SCN8A: variants seen among roughly 807,000 people sequenced by gnomAD.
SCN8A encodes the protein sodium voltage-gated channel alpha subunit 8.
SCN8A carries 30 observed loss-of-function variants against 184.1 expected under a neutral mutation model. The observed-to-expected ratio is 0.16, with a 90% CI of 0.12 to 0.22. The LOEUF is 0.22. Ranked by LOEUF, SCN8A falls within the 10% of genes least tolerant of loss-of-function variation. The pLI is 1.00. For synonymous variants in SCN8A, 852 were observed against 907.0 expected, an observed-to-expected ratio of 0.94 and a Z score of 1.09; for missense variants, 1,057 against 2,498.9, an observed-to-expected ratio of 0.42 and a Z score of 12.30.
chr12:51,688,491 G>T (rs1565887405), intron 5 of SCN8A, among the ~76,000 whole-genome samples: 1 of 152,250 alleles, frequency 6.6e-6, no homozygotes, highest in East Asian at 1.9e-4. Context: ...ATGTGAATGG[G>T]CTGACAGTAA....
intron 1 of SCN8A, among the ~76,000 whole-genome samples, chr12:51,615,271 A>G (rs1565860100): frequency 1.3e-5 from 2 of 152,184 alleles, no homozygotes. Flanking sequence ...AAATGTTAGT[A>G]CCACCAGGTG....
chr12:51,763,355 A>G (rs914369710), intron 15 of SCN8A, among the ~76,000 whole-genome samples: 1 of 152,194 alleles, frequency 6.6e-6, no homozygotes, highest in Non-Finnish European at 1.5e-5. Context: ...TTTGTGTTAG[A>G]TGATTTTGGC....
chr12:51,721,680 G>A lies in SCN8A; in HGVS notation c.1770G>A (p.Thr590=), dbSNP rs773379793. 9 of 1,598,706 alleles carry A rather than the reference G, an allele frequency of 5.6e-6. No individual in the cohort carries two copies. In the East Asian group the frequency reaches 1.8e-4, roughly 32 times the overall value. Residue 590 remains threonine (T), a synonymous_variant, in exon 12 of 27, where the codon ACG becomes ACA. Coordinates refer to ENST00000627620, the MANE Select transcript of SCN8A (RefSeq NM_001330260.2). Reference sequence around the variant, plus strand: ...AGTTCGCGGATGACGAGCACAGCACGGTGGAGGAGAGCGAGGGCCGCCGGG... The same window carrying A: ...AGTTCGCGGATGACGAGCACAGCACAGTGGAGGAGAGCGAGGGCCGCCGGG... ...ENEFADDEHS[T]VEESEGRRDS...
At chr12:51,731,786 C>G (rs1363194453) in intron 12 of SCN8A, among the ~76,000 whole-genome samples, 1 of 152,114 alleles carries the variant, frequency 6.6e-6, no homozygotes, top group Non-Finnish European at 1.5e-5. Context: ...GATTATATCT[C>G]ATTGTAGTTT....
intron 11 of SCN8A, among the ~76,000 whole-genome samples, chr12:51,709,865 G>A (rs1244277674): frequency 2.0e-5 from 3 of 152,174 alleles, no homozygotes; most frequent in Non-Finnish European, 4.4e-5. Flanking sequence ...TAAGAAAACA[G>A]GGAAGGATGA....
At chr12:51,722,614 T>C (rs971943935) in intron 12 of SCN8A, 6 of 152,002 alleles carry the variant, frequency 3.9e-5, no homozygotes, top group Admixed American at 3.3e-4. Context: ...AAGAGGCCAA[T>C]AGGAAACTGG....
intron 9 of SCN8A, among the ~76,000 whole-genome samples, chr12:51,705,216 C>T (rs1288206189): frequency 6.6e-6 from 1 of 152,112 alleles, no homozygotes; most frequent in Non-Finnish European, 1.5e-5. Flanking sequence ...TAACTACTGC[C>T]ATTTAATATG....
intron 1 of SCN8A, among the ~76,000 whole-genome samples, chr12:51,645,105 C>T (rs1171689172): frequency 6.7e-5 from 10 of 148,244 alleles, no homozygotes; most frequent in South Asian, 2.1e-4. Context: ...CCCGGCCAGC[C>T]GCCCCGTCTG....
intron 13 of SCN8A, among the ~76,000 whole-genome samples, chr12:51,747,019 G>GGTCCCA (rs1242694025): frequency 6.6e-6 from 1 of 151,412 alleles, no homozygotes; most frequent in East Asian, 1.9e-4. Context: ...AACTCAAAAT[G>GGTCCCA]GTCCCAGTAT....
At chr12:51,715,304 T>G (rs1941946588) in intron 11 of SCN8A, among the ~76,000 whole-genome samples, 1 of 152,212 alleles carries the variant, frequency 6.6e-6, no homozygotes, top group Admixed American at 6.5e-5. Context: ...CACTGTCTTA[T>G]CATCCTTATC....
intron 12 of SCN8A, among the ~76,000 whole-genome samples, chr12:51,727,886 G>C (rs151266822): frequency 4.1e-4 from 63 of 152,144 alleles, no homozygotes; most frequent in African/African-American, 1.5e-3. Context: ...GGAGGCAGAG[G>C]TTGTAGTGAG....
chr12:51,733,307 A>G (rs1455792346), intron 12 of SCN8A, among the ~76,000 whole-genome samples: 1 of 152,214 alleles, frequency 6.6e-6, no homozygotes, highest in Non-Finnish European at 1.5e-5. Context: ...GTCAATTGAA[A>G]TGATCATATG....
At chr12:51,656,893 A>T (rs187332232) in intron 1 of SCN8A, among the ~76,000 whole-genome samples, 3 of 152,174 alleles carry the variant, frequency 2.0e-5, no homozygotes, top group Non-Finnish European at 4.4e-5. Context: ...TAACCTTCTT[A>T]TATTGCTGTT....
intron 1 of SCN8A, among the ~76,000 whole-genome samples, chr12:51,634,653 A>ATTTTTTTT (rs1269981442): frequency 1.6e-5 from 1 of 62,504 alleles, no homozygotes; most frequent in African/African-American, 4.8e-5. Context: ...TATTATTATT[A>ATTTTTTTT]TTATTTTTTT....
chr12:51,760,842 G>A (rs1009220017), intron 14 of SCN8A, among the ~76,000 whole-genome samples: 3 of 151,894 alleles, frequency 2.0e-5, no homozygotes, highest in East Asian at 1.9e-4. Flanking sequence ...TATGAACACC[G>A]AAAACCTATA....
chr12:51,810,386 C>T lies in SCN8A; in HGVS notation c.*2957C>T, dbSNP rs746565681. On this transcript the variant is annotated 3_prime_UTR_variant, in exon 27 of 27. Transcript: ENST00000627620. ...GACACCATCACCAGCAGTTTACACC[C>T]GCAGTTAACAGGCATCGAACTGAAA... 5.1e-5 allele frequency: 23 copies of T among 450,020 alleles called. No individual in the cohort carries two copies. The highest frequency in any genetic ancestry group is 2.4e-4 in the South Asian group (15 of 63,582). 27.9% of individuals were successfully genotyped at this position (450,020 alleles called of 1,614,324 possible).
intron 5 of SCN8A, 60 bp from the exon 6 acceptor site, chr12:51,688,945 G>GT: frequency 1.9e-6 from 3 of 1,570,952 alleles, no homozygotes; most frequent in Non-Finnish European, 2.6e-6. Context: ...TTTTCCTTTG[G>GT]TGTTTGTGTT....
At chr12:51,663,929 A>T (rs4761993) in intron 2 of SCN8A, among the ~76,000 whole-genome samples, 18 of 110,452 alleles carry the variant, frequency 1.6e-4, no homozygotes, top group South Asian at 6.7e-4. Flanking sequence ...TTTTTTTTTG[A>T]GATGGAGTCT....
intron 2 of SCN8A, among the ~76,000 whole-genome samples, chr12:51,678,031 C>T (rs983370918): frequency 1.3e-5 from 2 of 152,202 alleles, no homozygotes; most frequent in African/African-American, 2.4e-5. Context: ...AAGGATCTGG[C>T]GTTAGAGCGT....
Sources: gnomAD v4.1 joint callset for allele counts (sites outside exome capture counted in the v4.1 genomes callset) on GRCh38, gnomAD v4.1.1 for gene constraint, MANE v1.5 for transcripts, NCBI Gene and HGNC (gene_info 2026-07-23, HGNC 2026-07-21) for gene names.